The following SEC22B variants were observed in gnomAD, a reference collection of about 807,000 sequenced individuals.
SEC22B encodes SEC22 homolog B, vesicle trafficking protein.
Under a neutral mutation model 31.4 loss-of-function variants are expected in SEC22B, and 10 were observed. The ratio of observed to expected loss-of-function variants is 0.32; its 90% CI spans 0.20 to 0.54. SEC22B has a LOEUF of 0.54. Ranked by LOEUF, SEC22B falls within the 20% of genes least tolerant of loss-of-function variation. SEC22B has a pLI of 0.94. For synonymous variants in SEC22B, 60 were observed against 95.9 expected (o/e 0.63, Z 2.19); for missense variants, 130 against 263.4 (o/e 0.49, Z 3.50).
At chr1:120,172,944 C>A (rs1483035926) in intron 1 of SEC22B, among the ~76,000 whole-genome samples, 4 of 149,286 alleles carry the variant, frequency 2.7e-5, no homozygotes, top group African/African-American at 1.0e-4. Flanking sequence ...AGACACACAA[C>A]CACAATACTT....
At chr1:120,165,735 G>A (rs1162994446) in intron 2 of SEC22B, among the ~76,000 whole-genome samples, 1 of 152,002 alleles carries the variant, frequency 6.6e-6, no homozygotes, top group Non-Finnish European at 1.5e-5. Flanking sequence ...CCTGTGCTTT[G>A]AAGTCTTTGC....
At position 120,156,188 on chromosome 1, in the gene SEC22B, G is replaced by A. The variant is rs1433651055; in HGVS notation, c.*850C>T. On this transcript the variant is annotated 3_prime_UTR_variant, in exon 5 of 5. Coordinates refer to ENST00000578049, the MANE Select transcript of SEC22B (RefSeq NM_004892.6). ...AGTAAAGAAGGGGCAGGAGAAAGCT[G>A]TAATTATAACCTGGGCCTGCCTTTG... 1.3e-5 allele frequency: 2 copies of A among 151,938 alleles called. No homozygotes were observed. Among genetic ancestry groups the A allele is most frequent in the Non-Finnish European group, 2.9e-5 (2 of 67,816 alleles). 9.4% of individuals were successfully genotyped at this position (151,938 alleles called of 1,614,324 possible). A position where few individuals can be genotyped will look rare whatever the true frequency, so the allele number is the denominator to read the frequency against.
chr1:120,161,367 AG>A (rs1657714801), intron 3 of SEC22B, among the ~76,000 whole-genome samples: 1 of 151,406 alleles, frequency 6.6e-6, no homozygotes, highest in Non-Finnish European at 1.5e-5. Context: ...AATATGTAAT[AG>A]GGAGTTTTCC....
At chr1:120,164,542 T>C (rs1162707642) in intron 2 of SEC22B, among the ~76,000 whole-genome samples, 2 of 152,178 alleles carry the variant, frequency 1.3e-5, no homozygotes, top group East Asian at 3.9e-4. Context: ...TGTTCCTGCA[T>C]TAATTCACTT....
At chr1:120,170,651 T>C (rs1657880647) in intron 1 of SEC22B, among the ~76,000 whole-genome samples, 1 of 149,400 alleles carries the variant, frequency 6.7e-6, no homozygotes, top group Non-Finnish European at 1.5e-5. Context: ...TTGTTATATA[T>C]TTGAGAAATA....
Position 120,176,324 on chromosome 1 carries a change from T to C in SEC22B, c.58A>G (p.Met20Val). The C allele has an allele frequency of 6.2e-7, 1 of 1,612,110 alleles. No homozygotes were observed. The highest frequency in any genetic ancestry group is 1.3e-5 in the African/African-American group (1 of 75,040). ...CAGCTCACCTGTTCGTCCTCCTGCATCGAGGCGGCCAGCGGGAGCCCGTCC... is the reference window on the plus strand; with the variant it reads ...CAGCTCACCTGTTCGTCCTCCTGCACCGAGGCGGCCAGCGGGAGCCCGTCC... ...VADGLPLAAS[M>V]QEDEQSGRDL... The change falls in exon 1 of 5, where the codon ATG (methionine) becomes GTG (valine). Residue 20 changes from methionine to valine, a missense_variant. By Grantham distance (21) the Met-to-Val change is conservative. Around this residue, in one of 4 missense-constraint regions of SEC22B, gnomAD observed 32 missense variants for 26.3 expected, o/e 1.22. Transcript: ENST00000578049.
intron 3 of SEC22B, among the ~76,000 whole-genome samples, chr1:120,161,397 T>C (rs1357940694): frequency 6.6e-6 from 1 of 151,816 alleles, no homozygotes. Flanking sequence ...AATACAAAAC[T>C]GAACTGAAGT....
chr1:120,168,098 T>C (rs1657841246), intron 2 of SEC22B, among the ~76,000 whole-genome samples: 1 of 152,016 alleles, frequency 6.6e-6, no homozygotes, highest in African/African-American at 2.4e-5. Context: ...CTCCCTGGCC[T>C]AAGTTATCTT....
chr1:120,153,320 C>T lies in SEC22B; in HGVS notation c.*3718G>A, dbSNP rs1420879097. 2.0e-5 allele frequency: 3 copies of T among 150,916 alleles called. No individual in the cohort carries two copies. The highest frequency in any genetic ancestry group is 2.9e-5 in the Non-Finnish European group (2 of 67,922). The allele number at this position is 150,916 out of a possible 1,614,324, so 9.3% of individuals were successfully genotyped here. ...TCAGTTAGTTCTGCTAACTAACTAA[C>T]CAAAAACCTTAATTGTATGGCCATC... On this transcript the variant is annotated 3_prime_UTR_variant, in exon 5 of 5. Transcript: ENST00000578049.
chr1:120,165,159 C>A (rs1432834331), intron 2 of SEC22B, among the ~76,000 whole-genome samples: 1 of 151,964 alleles, frequency 6.6e-6, no homozygotes, highest in Non-Finnish European at 1.5e-5. Context: ...CTCCATCCAC[C>A]CTTTGATTCT....
chr1:120,156,940 A>C lies in SEC22B; in HGVS notation c.*98T>G. On this transcript the variant is annotated 3_prime_UTR_variant, in exon 5 of 5. Transcript: ENST00000578049. ...CAAGGTCTTTAGAGGCAGAAGTTCC[A>C]CTTGGATTCTAATACACATCTCTGT... is the stretch of plus-strand genomic sequence containing the variant. The C allele has an allele frequency of 1.8e-6, 1 of 569,724 alleles. No homozygotes were observed. The highest frequency in any genetic ancestry group is 2.7e-6 in the Non-Finnish European group (1 of 367,258). 35.3% of individuals were successfully genotyped at this position (569,724 alleles called of 1,614,324 possible).
intron 3 of SEC22B, among the ~76,000 whole-genome samples, chr1:120,160,829 C>A (rs1377881204): frequency 1.3e-5 from 2 of 151,554 alleles, no homozygotes; most frequent in Non-Finnish European, 2.9e-5. Context: ...GCAGAGGTTG[C>A]AGTGAGCCGA....
chr1:120,160,029 A>G (rs1161177194), intron 4 of SEC22B, among the ~76,000 whole-genome samples: 1 of 144,492 alleles, frequency 6.9e-6, no homozygotes, highest in African/African-American at 2.8e-5. Flanking sequence ...ATCTGGCAGC[A>G]GTAAAGTCTC....
intron 2 of SEC22B, among the ~76,000 whole-genome samples, chr1:120,163,945 CT>C (rs1169530604): frequency 1.2e-3 from 86 of 68,926 alleles, no homozygotes; most frequent in East Asian, 3.8e-3. Context: ...ATTAGATTCT[CT>C]TTTTTTTTTT....
In SEC22B at chr1:120,155,843, TTTAA is replaced by T. The variant is rs1326186108; in HGVS notation, c.*1191_*1194del. 4 of 151,788 alleles carry T rather than the reference TTTAA, an allele frequency of 2.6e-5. No homozygotes were observed. The highest frequency in any genetic ancestry group is 6.6e-5 in the Admixed American group (1 of 15,218). The allele number at this position is 151,788 out of a possible 1,614,324, so 9.4% of individuals were successfully genotyped here. ...CAGAAAAGGAAAAAATCATGGGTAC[TTTAA>T]TTAGTTAATAGAAACCACTGTAAAT... On this transcript the variant is annotated 3_prime_UTR_variant, in exon 5 of 5. Coordinates refer to ENST00000578049, the MANE Select transcript of SEC22B (RefSeq NM_004892.6).
chr1:120,160,762 G>A (rs1319045900), intron 3 of SEC22B, among the ~76,000 whole-genome samples: 6 of 151,952 alleles, frequency 3.9e-5, no homozygotes, highest in African/African-American at 9.7e-5. Context: ...GGCGGCACAC[G>A]CCTATAATCC....
rs1472799729 is a variant in SEC22B, at chr1:120,171,090, C to A, written c.76-2141G>T. The stretch of plus-strand genomic sequence containing the variant: ...TTCAACCTTGGCTTCACAATAGAAT[C>A]ATTTGGGGAAATCTCAAAAACAAAA... On this transcript the variant is annotated intron_variant, in intron 1 of 4. Transcript: ENST00000578049. Among the ~76,000 whole-genome samples, 4 of 131,752 alleles carry A rather than the reference C, an allele frequency of 3.0e-5. No individual in the cohort carries two copies. In the South Asian group the frequency reaches 9.5e-4, roughly 31 times the overall value. 86.4% of individuals were successfully genotyped at this position (131,752 alleles called of 152,430 possible). A position where few individuals can be genotyped will look rare whatever the true frequency, so the allele number is the denominator to read the frequency against.
rs1160968687 is a variant in SEC22B at position 120,156,303 on chromosome 1, C to T, written c.*735G>A. 2 of 151,646 alleles carry T rather than the reference C, an allele frequency of 1.3e-5. No homozygotes were observed. The highest frequency in any genetic ancestry group is 4.9e-5 in the African/African-American group (2 of 41,220). 9.4% of individuals were successfully genotyped at this position (151,646 alleles called of 1,614,324 possible). ...GCTGCAAAATAAAAGTAATAATGAC[C>T]CAAACTAATTTAAGTCTTTTGTTTA... On this transcript the variant is annotated 3_prime_UTR_variant, in exon 5 of 5. Coordinates refer to ENST00000578049, the MANE Select transcript of SEC22B (RefSeq NM_004892.6).
In SEC22B at chr1:120,153,358, C is replaced by T. The variant is rs1219265104; in HGVS notation, c.*3680G>A. The T allele has an allele frequency of 6.6e-6, 1 of 151,572 alleles. No homozygotes were observed. The highest frequency in any genetic ancestry group is 1.5e-5 in the Non-Finnish European group (1 of 67,934). 9.4% of individuals were successfully genotyped at this position (151,572 alleles called of 1,614,324 possible). A position where few individuals can be genotyped will look rare whatever the true frequency, so the allele number is the denominator to read the frequency against. Reference sequence around the variant, plus strand: ...TTGTATGGCCATCAGCACCCTAGCCCTTTGTCATGAAAGCTACCAATAAGG... The same window carrying T: ...TTGTATGGCCATCAGCACCCTAGCCTTTTGTCATGAAAGCTACCAATAAGG... On this transcript the variant is annotated 3_prime_UTR_variant, in exon 5 of 5. Coordinates refer to ENST00000578049, the MANE Select transcript of SEC22B (RefSeq NM_004892.6).
Sources: allele counts gnomAD v4.1 joint callset (sites outside exome capture counted in the v4.1 genomes callset), GRCh38; gene constraint gnomAD v4.1.1; regional missense constraint gnomAD v4.1.1; transcripts MANE v1.5; gene names NCBI Gene and HGNC (gene_info 2026-07-23, HGNC 2026-07-21).